The following CHCHD3 variants were observed in gnomAD, a reference collection of about 807,000 sequenced individuals.
CHCHD3 encodes MICOS complex subunit MIC19.
CHCHD3 carries 20 observed loss-of-function variants against 38.2 expected under a neutral mutation model. The observed-to-expected ratio is 0.52, with a 90% CI of 0.37 to 0.76. CHCHD3 has a LOEUF of 0.76. Among genes scored for constraint, CHCHD3 ranks in the 30% least tolerant of loss-of-function variants. CHCHD3 has a pLI of 0.00. For synonymous variants in CHCHD3, 82 were observed against 100.0 expected, an observed-to-expected ratio of 0.82 and a Z score of 1.07; for missense variants, 245 against 279.2, an observed-to-expected ratio of 0.88 and a Z score of 0.87.
intron 4 of CHCHD3, among the ~76,000 whole-genome samples, chr7:132,935,127 G>A (rs985933166): frequency 6.6e-6 from 1 of 152,202 alleles, no homozygotes; most frequent in Non-Finnish European, 1.5e-5. Flanking sequence ...TATTAATCCT[G>A]CCTCAGAATC....
chr7:132,906,046 C>T (rs532958523), intron 4 of CHCHD3, among the ~76,000 whole-genome samples: 1 of 152,182 alleles, frequency 6.6e-6, no homozygotes, highest in Admixed American at 6.5e-5. Context: ...GTTAACTGCA[C>T]TGGCCACAAA....
chr7:133,068,600 A>C (rs1055774590), intron 2 of CHCHD3, among the ~76,000 whole-genome samples: 1 of 152,266 alleles, frequency 6.6e-6, no homozygotes, highest in Middle Eastern at 3.4e-3. Context: ...GCACAGGGGG[A>C]AAGAGTGAAG....
At chr7:133,030,747 A>T (rs1813478282) in intron 2 of CHCHD3, among the ~76,000 whole-genome samples, 1 of 152,202 alleles carries the variant, frequency 6.6e-6, no homozygotes. Flanking sequence ...TTTCTTTCTC[A>T]ATGGTGAATG....
intron 2 of CHCHD3, among the ~76,000 whole-genome samples, chr7:133,059,429 G>A (rs1302072253): frequency 6.6e-6 from 1 of 152,196 alleles, no homozygotes; most frequent in Admixed American, 6.5e-5. Context: ...GGAAAGTGAG[G>A]AGGGTAGCAG....
rs556004604 is a variant in CHCHD3 at position 132,804,958 on chromosome 7, C to T, written c.525-8381G>A. Among the ~76,000 whole-genome samples, 6 of 152,120 alleles carry T rather than the reference C, an allele frequency of 3.9e-5. No homozygotes were observed. The East Asian group carries it at 1.2e-3, about 30-fold the overall frequency. Reference sequence around the variant, plus strand: ...GTCTGTTTTCCATCCCTATCGGTTACTTGAAGAGGAGAATGCTTAGGCACT... The same window carrying T: ...GTCTGTTTTCCATCCCTATCGGTTATTTGAAGAGGAGAATGCTTAGGCACT... On this transcript the variant is annotated intron_variant, in intron 6 of 7. Transcript: ENST00000262570.
At chr7:132,984,890 G>C (rs1431939642) in intron 3 of CHCHD3, among the ~76,000 whole-genome samples, 1 of 100,674 alleles carries the variant, frequency 9.9e-6, no homozygotes, top group African/African-American at 3.7e-5. Flanking sequence ...CCCCATCCGG[G>C]AGGGAGGTGG....
At chr7:132,932,636 C>A (rs960036507) in intron 4 of CHCHD3, among the ~76,000 whole-genome samples, 1 of 152,174 alleles carries the variant, frequency 6.6e-6, no homozygotes, top group African/African-American at 2.4e-5. Context: ...AAAGGCAGAC[C>A]ACTGATAGAC....
At chr7:132,974,745 G>A (rs143463478) in intron 4 of CHCHD3, among the ~76,000 whole-genome samples, 6 of 152,186 alleles carry the variant, frequency 3.9e-5, no homozygotes, top group African/African-American at 1.4e-4. Flanking sequence ...ACGATGGCAG[G>A]TGCCTATAAT....
At chr7:133,014,938 C>G (rs1812986014) in intron 3 of CHCHD3, among the ~76,000 whole-genome samples, 1 of 152,148 alleles carries the variant, frequency 6.6e-6, no homozygotes, top group African/African-American at 2.4e-5. Flanking sequence ...CCACATACTC[C>G]CCGCTGTACT....
chr7:132,830,424 C>T (rs1393385031), intron 6 of CHCHD3, among the ~76,000 whole-genome samples: 2 of 152,214 alleles, frequency 1.3e-5, no homozygotes, highest in Non-Finnish European at 2.9e-5. Flanking sequence ...TTGAATAAAA[C>T]AACTTACGAC....
At chr7:132,874,574 AGAATATTCTGGT>A (rs34845324) in intron 5 of CHCHD3, among the ~76,000 whole-genome samples, 47,587 of 151,846 alleles carry the variant, frequency 0.31, 8,037 homozygotes, top group Non-Finnish European at 0.38. Context: ...ATAAAAGGGA[AGAATATTCTGGT>A]TCAGACTTTC....
In CHCHD3 at chr7:132,788,632, C is replaced by A. The variant is rs886239266; in HGVS notation, c.661-2972G>T. ...TGTTAGGCTCTCTTTCAGAAAGAGA[C>A]AAGATGGGGCCTGGCTGGTCTGAGG... On this transcript the variant is annotated intron_variant, in intron 7 of 7. Transcript: ENST00000262570. This position sits in a 1 kb window ranked among gnomAD's most constrained non-coding sequence, Gnocchi z 4.0. Among the ~76,000 whole-genome samples the A allele has an allele frequency of 2.0e-5, 3 of 152,180 alleles. No homozygotes were observed. Among genetic ancestry groups the A allele is most frequent in the African/African-American group, 7.2e-5 (3 of 41,444 alleles).
At chr7:132,958,981 T>A (rs1252779598) in intron 4 of CHCHD3, among the ~76,000 whole-genome samples, 1 of 152,198 alleles carries the variant, frequency 6.6e-6, no homozygotes, top group African/African-American at 2.4e-5. Context: ...GGGCAACATA[T>A]GTGTCTATCA....
intron 3 of CHCHD3, among the ~76,000 whole-genome samples, chr7:133,008,480 A>G (rs1433241868): frequency 3.3e-5 from 5 of 152,062 alleles, no homozygotes; most frequent in African/African-American, 1.2e-4. Context: ...AGATATATTT[A>G]TATGTCACAG....
chr7:133,070,527 A>G (rs1253683619), intron 1 of CHCHD3, among the ~76,000 whole-genome samples: 2 of 152,174 alleles, frequency 1.3e-5, no homozygotes, highest in African/African-American at 4.8e-5. Context: ...AATGTATGCT[A>G]TATAAACTTC....
chr7:133,045,496 CT>C (rs1813958843), intron 2 of CHCHD3, among the ~76,000 whole-genome samples: 1 of 152,096 alleles, frequency 6.6e-6, no homozygotes, highest in Non-Finnish European at 1.5e-5. Context: ...AAGGCAAAGG[CT>C]TTTTAATGAA....
intron 5 of CHCHD3, among the ~76,000 whole-genome samples, chr7:132,840,947 C>T (rs991995982): frequency 1.3e-5 from 2 of 151,876 alleles, no homozygotes; most frequent in African/African-American, 4.8e-5. Flanking sequence ...CACACAAAAC[C>T]CAGTACCTGT....
In CHCHD3 at chr7:133,041,726, C is replaced by T. The variant is rs551540801; in HGVS notation, c.170-17099G>A. Among the ~76,000 whole-genome samples the T allele has an allele frequency of 2.8e-3, 424 of 152,208 alleles. 2 individuals carry two copies. The highest frequency in any genetic ancestry group is 4.5e-3 in the Non-Finnish European group (305 of 68,008). The stretch of plus-strand genomic sequence containing the variant: ...GATTGAGTCATAACTTCATTATTCC[C>T]CCATCTCCATCTACTCCAGTCATAT... On this transcript the variant is annotated intron_variant, in intron 2 of 7. Coordinates refer to ENST00000262570, the MANE Select transcript of CHCHD3 (RefSeq NM_017812.4).
At chr7:132,983,079 T>C (rs1271730087) in intron 3 of CHCHD3, among the ~76,000 whole-genome samples, 1 of 152,086 alleles carries the variant, frequency 6.6e-6, no homozygotes, top group African/African-American at 2.4e-5. Context: ...TCCCAGCACT[T>C]TGGGAGGCAA....
Sources: allele counts gnomAD v4.1 joint callset (sites outside exome capture counted in the v4.1 genomes callset), GRCh38; gene constraint gnomAD v4.1.1; non-coding constraint Gnocchi (gnomAD v3.1); transcripts MANE v1.5; gene names NCBI Gene and HGNC (gene_info 2026-07-23, HGNC 2026-07-21).